The following LRP1B variants were observed in gnomAD, a reference collection of about 807,000 sequenced individuals.
LRP1B encodes the protein LDL receptor related protein 1B, also known as low-density lipoprotein receptor-related protein 1B.
LRP1B carries 217 observed loss-of-function variants against 556.6 expected under a neutral mutation model. The observed-to-expected ratio is 0.39, with a 90% CI of 0.35 to 0.44. LRP1B has a LOEUF of 0.44. Among genes scored for constraint, LRP1B ranks in the 20% least tolerant of loss-of-function variants. The pLI is 1.00. For missense variants in LRP1B, 5,053 were observed against 5,620.8 expected, an observed-to-expected ratio of 0.90 and a Z score of 3.23; for synonymous variants, 2,047 against 1,865.8, an observed-to-expected ratio of 1.10 and a Z score of -2.50.
Position 141,775,419 on chromosome 2 carries a change from T to A in LRP1B, c.205+34860A>T, listed in dbSNP as rs13391833. Among the ~76,000 whole-genome samples, 1,120 of 152,346 alleles carry A rather than the reference T, an allele frequency of 7.4e-3. 18 individuals are homozygous for A. Among genetic ancestry groups the A allele is most frequent in the African/African-American group, 0.025 (1,035 of 41,576 alleles). ...TTCTTTGAATTTCCCCTGAACCAGT[T>A]GTAACTTCTTACTGGTAGCTCAGTA... On this transcript the variant is annotated intron_variant, in intron 2 of 90. Coordinates refer to ENST00000389484, the MANE Select transcript of LRP1B (RefSeq NM_018557.3).
chr2:141,482,127 T>C (rs984471268), intron 2 of LRP1B, among the ~76,000 whole-genome samples: 1 of 151,992 alleles, frequency 6.6e-6, no homozygotes, highest in East Asian at 1.9e-4. Context: ...GTGATAAAAT[T>C]AGAAAACAAA....
At chr2:141,727,960 G>A (rs1693104820) in intron 2 of LRP1B, among the ~76,000 whole-genome samples, 2 of 152,074 alleles carry the variant, frequency 1.3e-5, no homozygotes, top group African/African-American at 2.4e-5. Context: ...TTTTTGGTAA[G>A]CGCTTTCTTA....
intron 83 of LRP1B, among the ~76,000 whole-genome samples, 175 bp downstream of exon 83, chr2:140,314,760 C>CT (rs1684447862): frequency 6.6e-6 from 1 of 151,242 alleles, no homozygotes; most frequent in African/African-American, 2.5e-5. Context: ...TTGGCTTGAA[C>CT]TTTTATATAC....
At chr2:141,330,758 T>C (rs911382192) in intron 3 of LRP1B, among the ~76,000 whole-genome samples, 45 of 148,000 alleles carry the variant, frequency 3.0e-4, no homozygotes, top group Middle Eastern at 3.4e-3. Flanking sequence ...TTTTTTTTTT[T>C]TTTTTTTTTT....
intron 6 of LRP1B, among the ~76,000 whole-genome samples, chr2:141,226,542 A>G (rs1260017140): frequency 6.6e-6 from 1 of 152,152 alleles, no homozygotes; most frequent in Non-Finnish European, 1.5e-5. Flanking sequence ...TCAAAAAAGC[A>G]TGTTCTCTTC....
chr2:140,296,737 T>C (rs1367063554), intron 84 of LRP1B, among the ~76,000 whole-genome samples: 1 of 152,146 alleles, frequency 6.6e-6, no homozygotes, highest in East Asian at 1.9e-4. Context: ...AAAATAAGAA[T>C]TGAGATTTGA....
intron 3 of LRP1B, among the ~76,000 whole-genome samples, chr2:141,337,297 A>G (rs1687881082): frequency 6.6e-6 from 1 of 152,200 alleles, no homozygotes; most frequent in South Asian, 2.1e-4. Context: ...ATAGTTGACA[A>G]TGTTGAATAT....
intron 43 of LRP1B, among the ~76,000 whole-genome samples, chr2:140,550,654 A>T (rs1196983725): frequency 6.6e-6 from 1 of 152,138 alleles, no homozygotes; most frequent in Non-Finnish European, 1.5e-5. Context: ...AGGCTTGGAA[A>T]ACTAATGCAG....
chr2:141,218,212 T>TA (rs1001509634), intron 6 of LRP1B, among the ~76,000 whole-genome samples: 4 of 152,178 alleles, frequency 2.6e-5, no homozygotes, highest in Admixed American at 2.6e-4. Flanking sequence ...CAGCCACTGT[T>TA]AAAAACAGTT....
At chr2:141,030,854 G>T (rs1476517730) in intron 11 of LRP1B, among the ~76,000 whole-genome samples, 1 of 151,886 alleles carries the variant, frequency 6.6e-6, no homozygotes, top group Non-Finnish European at 1.5e-5. Flanking sequence ...GAATTGATAG[G>T]TGTTTAAGGA....
intron 3 of LRP1B, among the ~76,000 whole-genome samples, chr2:141,391,190 CA>C (rs1377070748): frequency 6.6e-6 from 1 of 152,120 alleles, no homozygotes; most frequent in Non-Finnish European, 1.5e-5. Context: ...GCAATTTTAG[CA>C]GAGTGAATTT....
chr2:141,251,975 C>T (rs967012026), intron 4 of LRP1B, among the ~76,000 whole-genome samples: 1 of 152,046 alleles, frequency 6.6e-6, no homozygotes, highest in Non-Finnish European at 1.5e-5. Context: ...CCAAACCCTT[C>T]TTCCTCTCCC....
chr2:141,033,922 A>C (rs1698454309), intron 11 of LRP1B, among the ~76,000 whole-genome samples: 2 of 152,068 alleles, frequency 1.3e-5, no homozygotes, highest in African/African-American at 4.8e-5. Flanking sequence ...TTGAGACAAA[A>C]CTTTAACTTC....
At chr2:140,673,769 G>A (rs1023422352) in intron 41 of LRP1B, among the ~76,000 whole-genome samples, 2 of 152,018 alleles carry the variant, frequency 1.3e-5, no homozygotes, top group Non-Finnish European at 2.9e-5. Context: ...GACAGAAAGT[G>A]AGGGTCCATA....
chr2:142,093,411 G>T (rs950472194), intron 1 of LRP1B, among the ~76,000 whole-genome samples: 5 of 151,990 alleles, frequency 3.3e-5, no homozygotes, highest in Non-Finnish European at 5.9e-5. Context: ...TAACACTTGG[G>T]GTGCAAGGAA....
chr2:141,905,143 T>C (rs1699718423), intron 1 of LRP1B, among the ~76,000 whole-genome samples: 1 of 151,880 alleles, frequency 6.6e-6, no homozygotes, highest in Admixed American at 6.6e-5. Flanking sequence ...TGCATTGAAA[T>C]GAAAAACTCC....
chr2:141,782,348 A>G (rs2105641388), intron 2 of LRP1B, among the ~76,000 whole-genome samples: 1 of 152,162 alleles, frequency 6.6e-6, no homozygotes, highest in South Asian at 2.1e-4. Flanking sequence ...TTCATTCCCA[A>G]TTAATAAAAC....
At chr2:141,955,771 GT>G (rs1701230770) in intron 1 of LRP1B, among the ~76,000 whole-genome samples, 1 of 152,062 alleles carries the variant, frequency 6.6e-6, no homozygotes, top group Non-Finnish European at 1.5e-5. Flanking sequence ...ATTTCTTCTG[GT>G]TTCAGTAGCC....
At chr2:140,385,591 C>A (rs1433875706) in intron 67 of LRP1B, among the ~76,000 whole-genome samples, 1 of 152,144 alleles carries the variant, frequency 6.6e-6, no homozygotes, top group East Asian at 1.9e-4. Flanking sequence ...TCATTCAGCT[C>A]ATTGTGTGAA....
Sources: allele counts gnomAD v4.1 joint callset (sites outside exome capture counted in the v4.1 genomes callset), GRCh38; gene constraint gnomAD v4.1.1; transcripts MANE v1.5; gene names NCBI Gene and HGNC (gene_info 2026-07-23, HGNC 2026-07-21).